Variants in CD226 observed in about 807,000 individuals in gnomAD.
The protein encoded by CD226 is CD226 molecule.
Under a neutral mutation model 34.9 loss-of-function variants are expected in CD226, and 24 were observed. That is an observed-to-expected ratio of 0.69 (90% CI 0.50 to 0.97). The LOEUF (loss-of-function observed/expected upper bound fraction) is 0.97, where lower values mean the gene tolerates loss of function less well. CD226 is among the 50% of genes least tolerant of loss of function. The pLI is 0.00. For missense variants in CD226, 397 were observed against 412.7 expected (o/e 0.96, Z 0.33); for synonymous variants, 148 against 147.4 (o/e 1.00, Z -0.03).
intron 2 of CD226, among the ~76,000 whole-genome samples, chr18:69,925,567 T>C (rs1599014637): frequency 6.6e-6 from 1 of 152,126 alleles, no homozygotes; most frequent in East Asian, 1.9e-4. Context: ...ACCTCTTCCC[T>C]TTCTCACTCA....
At chr18:69,960,909 C>T (rs1485871182), upstream of CD226, among the ~76,000 whole-genome samples, 1 of 152,096 alleles carries the variant, frequency 6.6e-6, no homozygotes, top group Non-Finnish European at 1.5e-5. Flanking sequence ...ACAAGGATGG[C>T]CACAATCACT....
intron 2 of CD226, among the ~76,000 whole-genome samples, chr18:69,913,212 AAGAG>A (rs1351471793): frequency 6.6e-6 from 1 of 152,138 alleles, no homozygotes; most frequent in African/African-American, 2.4e-5. Context: ...AGCAGTGGAG[AAGAG>A]AGAGAGACAT....
rs1982651324 is a variant in CD226 at position 69,857,689 on chromosome 18, C to T, written c.*6625G>A. 1 of 152,182 alleles carries T rather than the reference C, an allele frequency of 6.6e-6. No homozygotes were observed. The highest frequency in any genetic ancestry group is 2.4e-5 in the African/African-American group (1 of 41,438). The allele number at this position is 152,182 out of a possible 1,614,324, so 9.4% of individuals were successfully genotyped here. A position where few individuals can be genotyped will look rare whatever the true frequency, so the allele number is the denominator to read the frequency against. On this transcript the variant is annotated 3_prime_UTR_variant, in exon 6 of 6. Coordinates refer to ENST00000582621, the MANE Select transcript of CD226 (RefSeq NM_001303618.2). Reference sequence around the variant, plus strand: ...TATGGCTGGGCAATACAACACAAGGCTTCCTTTTCAGGAATTTGGAGAACT... The same window carrying T: ...TATGGCTGGGCAATACAACACAAGGTTTCCTTTTCAGGAATTTGGAGAACT...
chr18:69,893,782 A>G (rs1406425311), intron 3 of CD226, among the ~76,000 whole-genome samples: 1 of 152,214 alleles, frequency 6.6e-6, no homozygotes, highest in Non-Finnish European at 1.5e-5. Flanking sequence ...ATGTCTCACC[A>G]CAGTTCCTAG....
upstream of CD226, among the ~76,000 whole-genome samples, chr18:69,960,546 T>C (rs879418150): frequency 6.6e-6 from 1 of 152,152 alleles, no homozygotes; most frequent in Non-Finnish European, 1.5e-5. Context: ...ACTACCTGGG[T>C]TCAAGTGATT....
At chr18:69,931,419 A>G (rs2055588192) in intron 2 of CD226, among the ~76,000 whole-genome samples, 1 of 152,156 alleles carries the variant, frequency 6.6e-6, no homozygotes, top group Admixed American at 6.5e-5. Flanking sequence ...GAAAGTAATG[A>G]CAGGAAGAAA....
At chr18:69,903,099 G>A (rs1248012627) in intron 2 of CD226, among the ~76,000 whole-genome samples, 1 of 152,194 alleles carries the variant, frequency 6.6e-6, no homozygotes, top group Non-Finnish European at 1.5e-5. Flanking sequence ...TGGAAAAATG[G>A]CACTTTTGAA....
chr18:69,912,951 A>G (rs975272321), intron 2 of CD226, among the ~76,000 whole-genome samples: 1 of 152,212 alleles, frequency 6.6e-6, no homozygotes, highest in Admixed American at 6.5e-5. Context: ...GATAAAGAGC[A>G]TTTAGGGAAC....
At chr18:69,898,812 C>G (rs1159653550) in intron 2 of CD226, among the ~76,000 whole-genome samples, 1 of 152,140 alleles carries the variant, frequency 6.6e-6, no homozygotes, top group Non-Finnish European at 1.5e-5. Flanking sequence ...TGGAAGGCAG[C>G]TCAAAATGAC....
intron 2 of CD226, among the ~76,000 whole-genome samples, chr18:69,913,632 C>T (rs1238664008): frequency 1.3e-5 from 2 of 152,134 alleles, no homozygotes; most frequent in Non-Finnish European, 2.9e-5. Context: ...TTGTAAATTA[C>T]TGTTTAAATT....
intron 2 of CD226, among the ~76,000 whole-genome samples, chr18:69,934,567 T>C (rs557665078): frequency 8.7e-4 from 133 of 152,328 alleles, no homozygotes; most frequent in Admixed American, 4.2e-3. Flanking sequence ...TTTACAACAC[T>C]AGTAAGTATG....
intron 3 of CD226, among the ~76,000 whole-genome samples, chr18:69,877,920 T>A (rs1170542648): frequency 6.6e-6 from 1 of 152,202 alleles, no homozygotes; most frequent in Non-Finnish European, 1.5e-5. Context: ...GCCCAGCCTG[T>A]AGCTGACATG....
At chr18:69,942,535 T>A (rs1461652469) in intron 2 of CD226, among the ~76,000 whole-genome samples, 4 of 152,228 alleles carry the variant, frequency 2.6e-5, no homozygotes, top group African/African-American at 7.2e-5. Context: ...CAATAACTTT[T>A]CGGGTTTATT....
intron 3 of CD226, among the ~76,000 whole-genome samples, chr18:69,876,722 A>G (rs576608893): frequency 6.6e-6 from 1 of 152,270 alleles, no homozygotes; most frequent in South Asian, 2.1e-4. Context: ...CCGCCAATTC[A>G]ATTCTGACAT....
intron 3 of CD226, among the ~76,000 whole-genome samples, chr18:69,884,911 T>G (rs1984472958): frequency 2.0e-5 from 3 of 152,228 alleles, no homozygotes; most frequent in Non-Finnish European, 4.4e-5. Flanking sequence ...TGCAGTCTCT[T>G]AGGAGGTTGC....
intron 3 of CD226, among the ~76,000 whole-genome samples, chr18:69,877,372 G>A (rs1983941309): frequency 6.6e-6 from 1 of 152,312 alleles, no homozygotes; most frequent in East Asian, 1.9e-4. Context: ...TGCCCTCCCT[G>A]TCCACATCAC....
intron 3 of CD226, among the ~76,000 whole-genome samples, chr18:69,894,939 G>T (rs113100491): frequency 1.6e-4 from 25 of 152,118 alleles, no homozygotes; most frequent in African/African-American, 6.0e-4. Flanking sequence ...ACAAAAAAAA[G>T]ACAAATGCCT....
chr18:69,899,384 A>C (rs1985477755), intron 2 of CD226, among the ~76,000 whole-genome samples: 1 of 152,220 alleles, frequency 6.6e-6, no homozygotes, highest in African/African-American at 2.4e-5. Flanking sequence ...TCGTAAACCC[A>C]AGCCTCTGTA....
chr18:69,877,036 G>T (rs947866063), intron 3 of CD226, among the ~76,000 whole-genome samples: 1 of 151,846 alleles, frequency 6.6e-6, no homozygotes, highest in African/African-American at 2.4e-5. Flanking sequence ...GCTAATTTTT[G>T]TATTTTTAGT....
Sources: allele counts gnomAD v4.1 joint callset (sites outside exome capture counted in the v4.1 genomes callset), GRCh38; gene constraint gnomAD v4.1.1; transcripts MANE v1.5; gene names NCBI Gene and HGNC (gene_info 2026-07-23, HGNC 2026-07-21).